The following SYBU variants were observed in gnomAD, a reference collection of about 807,000 sequenced individuals.
The protein encoded by SYBU is GOLSYN A protein.
A neutral mutation model predicts 35.9 loss-of-function variants in SYBU; 21 were observed. The ratio of observed to expected loss-of-function variants is 0.58; its 90% confidence interval spans 0.41 to 0.84. The LOEUF (loss-of-function observed/expected upper bound fraction) is 0.84. Among genes scored for constraint, SYBU ranks in the 40% least tolerant of loss-of-function variants. The pLI is 0.00. For synonymous variants in SYBU, 319 were observed against 324.3 expected (o/e 0.98, Z 0.18); for missense variants, 768 against 848.2 (o/e 0.91, Z 1.17).
intron 1 of SYBU, among the ~76,000 whole-genome samples, chr8:109,689,617 C>T (rs1049675101): frequency 2.0e-5 from 3 of 152,150 alleles, no homozygotes; most frequent in African/African-American, 7.2e-5. Context: ...CAGGCGCAAG[C>T]CACCATGCCA....
intron 3 of SYBU, among the ~76,000 whole-genome samples, chr8:109,616,409 G>A (rs1383153327): frequency 6.6e-6 from 1 of 152,132 alleles, no homozygotes. Context: ...CAGGATTAGG[G>A]AATTGCTCAG....
At chr8:109,580,473 G>A (rs1017001485) in intron 4 of SYBU, 1 of 162,780 alleles carries the variant, frequency 6.1e-6, no homozygotes, top group South Asian at 1.7e-4. Flanking sequence ...CCCCATACAG[G>A]AGGAGGAGAA....
intron 3 of SYBU, among the ~76,000 whole-genome samples, chr8:109,602,860 T>C (rs1443514217): frequency 1.3e-5 from 2 of 152,104 alleles, no homozygotes; most frequent in African/African-American, 2.4e-5. Flanking sequence ...CTTAGTGGCG[T>C]TGGGGTTGTT....
Position 109,691,345 on chromosome 8 carries a change from A to T in SYBU, c.-70T>A, listed in dbSNP as rs1563783474. On this transcript the variant is annotated 5_prime_UTR_variant, in exon 1 of 8. Coordinates refer to the SYBU transcript ENST00000422135. This position sits in a 1 kb window ranked among gnomAD's most constrained non-coding sequence, Gnocchi z 4.7. ...GCCCCGGTCTTACCCTTTCTCGCCC[A>T]GAAGGGCCCCATCGCGCTGTCCAGG... 1.4e-6 allele frequency: 1 copy of T among 702,004 alleles called. No individual in the cohort carries two copies. The highest frequency in any genetic ancestry group is 1.5e-5 in the South Asian group (1 of 67,456). The allele number at this position is 702,004 out of a possible 1,614,324, so 43.5% of individuals were successfully genotyped here. A position where few individuals can be genotyped will look rare whatever the true frequency, so the allele number is the denominator to read the frequency against.
chr8:109,626,873 A>G (rs1563738797), intron 2 of SYBU, among the ~76,000 whole-genome samples: 1 of 152,220 alleles, frequency 6.6e-6, no homozygotes, highest in Admixed American at 6.5e-5. Flanking sequence ...CTCAAAAATA[A>G]TCTTCTTACA....
chr8:109,594,502 A>AT (rs550758970), intron 3 of SYBU, among the ~76,000 whole-genome samples: 49 of 152,022 alleles, frequency 3.2e-4, no homozygotes, highest in Admixed American at 2.7e-3. Context: ...CCCTAAAATA[A>AT]TTTTTTTTAA....
intron 1 of SYBU, among the ~76,000 whole-genome samples, chr8:109,654,540 C>T (rs1816278736): frequency 6.6e-6 from 1 of 152,174 alleles, no homozygotes. Context: ...TTCTTTCATC[C>T]ATCCTTCCCT....
At position 109,654,203 on chromosome 8, in the gene SYBU, G is replaced by A. The variant is rs764567169; in HGVS notation, c.-129+26508C>T. Among the ~76,000 whole-genome samples, 6 of 151,932 alleles carry A rather than the reference G, an allele frequency of 3.9e-5. No homozygotes were observed. The South Asian group carries it at 1.0e-3, about 26-fold the overall frequency. On this transcript the variant is annotated intron_variant, in intron 1 of 5. Coordinates refer to the SYBU transcript ENST00000408889. ...TTCTTATCCCCATTCATCACCAAAC[G>A]TCTGAAAAAGTTACTTGTCTAGAGT...
intron 1 of SYBU, among the ~76,000 whole-genome samples, chr8:109,659,676 G>A (rs78576333): frequency 0.029 from 4,364 of 152,066 alleles, 218 homozygotes; most frequent in African/African-American, 0.098. Context: ...AGAACAATTC[G>A]GTTGTTCCCT....
chr8:109,654,031 A>G (rs1816258385), intron 1 of SYBU, among the ~76,000 whole-genome samples: 1 of 152,016 alleles, frequency 6.6e-6, no homozygotes, highest in Non-Finnish European at 1.5e-5. Flanking sequence ...CACACTAAGC[A>G]CTCAATGAAC....
chr8:109,576,043 A>T lies in SYBU; in HGVS notation c.885-30T>A, dbSNP rs369667162. 3.8e-3 allele frequency: 337 copies of T among 88,218 alleles called. 7 individuals carry two copies. In the African/African-American group the frequency reaches 0.075, roughly 20 times the overall value. The allele number at this position is 88,218 out of a possible 1,614,324, so 5.5% of individuals were successfully genotyped here. On this transcript the variant is annotated intron_variant, in intron 6 of 6. Coordinates refer to ENST00000276646, the MANE Select transcript of SYBU (RefSeq NM_001099754.2). ...AGTGCCAAGACAAGCATGGTTAATTAAAAAAAAAAAAAAAAAAAAAAAAAA... is the reference window on the plus strand; with the variant it reads ...AGTGCCAAGACAAGCATGGTTAATTTAAAAAAAAAAAAAAAAAAAAAAAAA...
intron 1 of SYBU, among the ~76,000 whole-genome samples, chr8:109,668,134 G>A (rs896541127): frequency 1.5e-5 from 2 of 129,996 alleles, no homozygotes; most frequent in African/African-American, 5.9e-5. Flanking sequence ...GGAGGGAGGG[G>A]GGAAGGAAGA....
intron 1 of SYBU, among the ~76,000 whole-genome samples, chr8:109,658,414 T>G (rs981787797): frequency 1.3e-5 from 2 of 152,210 alleles, no homozygotes; most frequent in Non-Finnish European, 2.9e-5. Flanking sequence ...AAACTGGGGA[T>G]GTTCAATATA....
intron 3 of SYBU, among the ~76,000 whole-genome samples, chr8:109,614,251 C>T (rs978926203): frequency 6.6e-5 from 10 of 152,158 alleles, no homozygotes; most frequent in Non-Finnish European, 1.2e-4. Context: ...TTCTTCCTTG[C>T]TTTAAGATAT....
chr8:109,663,375 A>C (rs945682020), intron 1 of SYBU, among the ~76,000 whole-genome samples: 2 of 152,144 alleles, frequency 1.3e-5, no homozygotes, highest in African/African-American at 4.8e-5. Flanking sequence ...ACAATGGGTC[A>C]ATACAAGATA....
chr8:109,636,922 G>A (rs973598140), intron 2 of SYBU, among the ~76,000 whole-genome samples: 1 of 152,174 alleles, frequency 6.6e-6, no homozygotes, highest in Non-Finnish European at 1.5e-5. Context: ...CAGGGACTGT[G>A]GAGGCATCAT....
intron 1 of SYBU, among the ~76,000 whole-genome samples, chr8:109,666,599 G>C (rs1161238774): frequency 2.0e-5 from 3 of 152,102 alleles, no homozygotes; most frequent in Non-Finnish European, 4.4e-5. Context: ...AAATTAGCCA[G>C]GCATGGTGAT....
intron 1 of SYBU, among the ~76,000 whole-genome samples, chr8:109,671,582 C>T (rs900638159): frequency 9.2e-5 from 14 of 152,122 alleles, no homozygotes; most frequent in Non-Finnish European, 1.6e-4. Context: ...ATACTTTGAG[C>T]GATTAAAGCA....
At chr8:109,690,649 G>C (rs1817624404) in intron 1 of SYBU, among the ~76,000 whole-genome samples, 1 of 152,112 alleles carries the variant, frequency 6.6e-6, no homozygotes, top group Non-Finnish European at 1.5e-5. Flanking sequence ...AAAGCTTTCA[G>C]AATCTCTTTC....
Sources: gnomAD v4.1 joint callset for allele counts (sites outside exome capture counted in the v4.1 genomes callset) on GRCh38, gnomAD v4.1.1 for gene constraint, Gnocchi (gnomAD v3.1) non-coding constraint, MANE v1.5 for transcripts, NCBI Gene and HGNC (gene_info 2026-07-23, HGNC 2026-07-21) for gene names.